The following CCNH variants were observed in gnomAD, a reference collection of about 807,000 sequenced individuals.
CCNH encodes cyclin-H.
Under a neutral mutation model 41.9 loss-of-function variants are expected in CCNH, and 31 were observed. The ratio of observed to expected loss-of-function variants is 0.74; its 90% CI spans 0.56 to 1.00. The LOEUF is 1.00. CCNH is among the 50% of genes least tolerant of loss of function. The pLI is 0.00. For synonymous variants in CCNH, 138 were observed against 136.1 expected (o/e 1.01, Z -0.10); for missense variants, 362 against 388.4 (o/e 0.93, Z 0.57).
chr5:87,412,889 C>G lies in CCNH; in HGVS notation c.-95G>C, dbSNP rs1171954582. 7 of 1,542,452 alleles carry G rather than the reference C, an allele frequency of 4.5e-6. No homozygotes were observed. In the Admixed American group the frequency reaches 9.2e-5, roughly 20 times the overall value. On this transcript the variant is annotated 5_prime_UTR_variant, in exon 1 of 9. Coordinates refer to ENST00000256897, the MANE Select transcript of CCNH (RefSeq NM_001239.4). ...ACACCCGTACCCCCACCGAAGATCT[C>G]GCGGAAGCCTAGGGCGTCCGGCTAG...
chr5:87,401,959 T>C (rs1370939732), intron 5 of CCNH, among the ~76,000 whole-genome samples, 187 bp from the exon 6 acceptor site: 2 of 152,196 alleles, frequency 1.3e-5, no homozygotes, highest in African/African-American at 2.4e-5. Context: ...TGTTTATTGT[T>C]CCTTTAAGTT....
intron 9 of CCNH, among the ~76,000 whole-genome samples, chr5:87,332,907 G>A (rs554032606): frequency 3.3e-5 from 5 of 152,060 alleles, no homozygotes; most frequent in African/African-American, 7.2e-5. Flanking sequence ...GAATGTATGG[G>A]AACAAATTAC....
intron 9 of CCNH, chr5:87,341,360 T>A: frequency 8.6e-7 from 1 of 1,159,238 alleles, no homozygotes; most frequent in Non-Finnish European, 1.1e-6. Flanking sequence ...AAAAAAAATC[T>A]ATATTGTAAA....
intron 9 of CCNH, among the ~76,000 whole-genome samples, chr5:87,329,013 C>CT (rs1431409192): frequency 6.6e-6 from 1 of 152,040 alleles, no homozygotes; most frequent in Non-Finnish European, 1.5e-5. Flanking sequence ...ACATGTTTTG[C>CT]TTTATGTGTT....
At chr5:87,410,451 C>T (rs1764145453) in intron 2 of CCNH, among the ~76,000 whole-genome samples, 4 of 151,348 alleles carry the variant, frequency 2.6e-5, no homozygotes, top group African/African-American at 9.8e-5. Flanking sequence ...CAACATACTT[C>T]AATTTTTTTT....
intron 9 of CCNH, among the ~76,000 whole-genome samples, chr5:87,324,726 C>T (rs1238918872): frequency 6.6e-6 from 1 of 152,022 alleles, no homozygotes; most frequent in Non-Finnish European, 1.5e-5. Context: ...CTAATATAAA[C>T]ACGCCCTCTT....
intron 9 of CCNH, among the ~76,000 whole-genome samples, chr5:87,368,828 T>C (rs1760722355): frequency 6.6e-6 from 1 of 152,198 alleles, no homozygotes; most frequent in African/African-American, 2.4e-5. Flanking sequence ...TATAGTATGA[T>C]CTTGGCTCCT....
At chr5:87,411,397 A>T in intron 1 of CCNH, 51 bp from the exon 2 acceptor site, 1 of 1,542,928 alleles carries the variant, frequency 6.5e-7, no homozygotes, top group Non-Finnish European at 8.8e-7. Context: ...TGAATTAAAC[A>T]ATTGTAAAAC....
intron 9 of CCNH, among the ~76,000 whole-genome samples, chr5:87,339,948 C>T (rs2112394106): frequency 6.6e-6 from 1 of 152,210 alleles, no homozygotes; most frequent in Non-Finnish European, 1.5e-5. Flanking sequence ...TAAGGAATTT[C>T]TCCTTCTAAA....
intron 9 of CCNH, among the ~76,000 whole-genome samples, chr5:87,339,958 A>C (rs988242442): frequency 1.3e-5 from 2 of 152,064 alleles, no homozygotes; most frequent in African/African-American, 4.8e-5. Flanking sequence ...CTCCTTCTAA[A>C]ATTCTAATTA....
chr5:87,349,513 A>G (rs1759105464), intron 9 of CCNH: 3 of 901,528 alleles, frequency 3.3e-6, no homozygotes, highest in African/African-American at 1.7e-5. Flanking sequence ...GTCATGCCCA[A>G]GAATTCTTTA....
rs147535075 is a variant in CCNH at position 87,382,204 on chromosome 5, G to A, written c.*90+10566C>T. Among the ~76,000 whole-genome samples the A allele has an allele frequency of 2.6e-4, 39 of 152,168 alleles. No homozygotes were observed. In the East Asian group the frequency reaches 7.0e-3, roughly 27 times the overall value. On this transcript the variant is annotated intron_variant and NMD_transcript_variant, in intron 9 of 9. Transcript: ENST00000645953. ...TGGCCTCAGGTGGTACACCCACCTC[G>A]GCCTCCCAAAGTGTTGGATTACAGG... is the stretch of plus-strand genomic sequence containing the variant.
At chr5:87,412,503 G>C (rs1323840964) in intron 1 of CCNH, 175 bp downstream of exon 1, 3 of 1,428,000 alleles carry the variant, frequency 2.1e-6, no homozygotes, top group Non-Finnish European at 9.1e-7. Context: ...GGCGTTGTTC[G>C]TCTTTGTACC....
intron 9 of CCNH, among the ~76,000 whole-genome samples, chr5:87,320,614 C>T (rs779973178): frequency 3.3e-5 from 5 of 152,232 alleles, no homozygotes; most frequent in Middle Eastern, 3.4e-3. Flanking sequence ...TTTACTATCA[C>T]GAGAACAGCA....
chr5:87,363,411 A>G, intron 9 of CCNH: 1 of 1,611,094 alleles, frequency 6.2e-7, no homozygotes, highest in African/African-American at 1.3e-5. Flanking sequence ...CAACTTATTT[A>G]TTTTGAAAGC....
At position 87,334,964 on chromosome 5, in the gene CCNH, A is replaced by G. The variant is rs764048541; in HGVS notation, c.*91-16067T>C. 3.9e-5 allele frequency among the ~76,000 whole-genome samples: 6 copies of G among 152,092 alleles called. No homozygotes were observed. In the South Asian group the frequency reaches 8.3e-4, roughly 21 times the overall value. ...AGTGGCACGATCTTGCCTCACTGCAATCTCCACCTCCTGGGTTCAAGGGAT... is the reference window on the plus strand; with the variant it reads ...AGTGGCACGATCTTGCCTCACTGCAGTCTCCACCTCCTGGGTTCAAGGGAT... On this transcript the variant is annotated intron_variant and NMD_transcript_variant, in intron 9 of 9. Transcript: ENST00000645953.
chr5:87,401,689 C>A lies in CCNH; in HGVS notation c.760+13G>T. ...TGGAAGAAACATTTTGTAAAGTGTT[C>A]TCTTTTACTTACTTTTCATTATATC... On this transcript the variant is annotated intron_variant, in intron 6 of 8. Transcript: ENST00000256897. The A allele has an allele frequency of 6.6e-7, 1 of 1,518,268 alleles. No individual in the cohort carries two copies. Among genetic ancestry groups the A allele is most frequent in the South Asian group, 1.2e-5 (1 of 83,564 alleles). 94.0% of individuals were successfully genotyped at this position (1,518,268 alleles called of 1,614,324 possible). A position where few individuals can be genotyped will look rare whatever the true frequency, so the allele number is the denominator to read the frequency against.
At chr5:87,388,600 A>G (rs1421776800), downstream of CCNH, among the ~76,000 whole-genome samples, 3 of 152,170 alleles carry the variant, frequency 2.0e-5, no homozygotes, top group Admixed American at 6.5e-5. Flanking sequence ...TATACTATAA[A>G]CTTTCATTAT....
chr5:87,349,254 T>C lies in CCNH; in HGVS notation c.*91-30357A>G. Reference sequence around the variant, plus strand: ...GTTTTCTTGTGAGGCCCTCAGATAATACTCCTGGCGATTATTCACTTTATT... The same window carrying C: ...GTTTTCTTGTGAGGCCCTCAGATAACACTCCTGGCGATTATTCACTTTATT... On this transcript the variant is annotated intron_variant and NMD_transcript_variant, in intron 9 of 9. Coordinates refer to the CCNH transcript ENST00000645953. 6.2e-7 allele frequency: 1 copy of C among 1,612,152 alleles called. No individual in the cohort carries two copies. Among genetic ancestry groups the C allele is most frequent in the Non-Finnish European group, 8.5e-7 (1 of 1,178,702 alleles).
Sources: gnomAD v4.1 joint callset for allele counts (sites outside exome capture counted in the v4.1 genomes callset) on GRCh38, gnomAD v4.1.1 for gene constraint, MANE v1.5 for transcripts, NCBI Gene and HGNC (gene_info 2026-07-23, HGNC 2026-07-21) for gene names.